EPN2: variants seen among roughly 807,000 people sequenced by gnomAD.
EPN2 encodes the protein epsin 2.
In EPN2, 34 loss-of-function variants were observed where a neutral mutation model predicts 61.7. The observed-to-expected ratio is 0.55, with a 90% CI of 0.42 to 0.73. The LOEUF (loss-of-function observed/expected upper bound fraction) is 0.73, where lower values mean the gene tolerates loss of function less well. Ranked by LOEUF, EPN2 falls within the 30% of genes least tolerant of loss-of-function variation. EPN2 has a pLI of 0.00. For missense variants in EPN2, 714 were observed against 839.2 expected (o/e 0.85, Z 1.84); for synonymous variants, 349 against 353.6 (o/e 0.99, Z 0.15).
chr17:19,316,793 T>C (rs1906405728), intron 7 of EPN2, among the ~76,000 whole-genome samples: 1 of 152,214 alleles, frequency 6.6e-6, no homozygotes, highest in Admixed American at 6.5e-5. Context: ...AGGGGTGTTT[T>C]TGCAGTTCTG....
At chr17:19,333,102 G>A (rs937241434) in intron 10 of EPN2, among the ~76,000 whole-genome samples, 4 of 152,172 alleles carry the variant, frequency 2.6e-5, no homozygotes, top group Non-Finnish European at 4.4e-5. Context: ...TGGTTCCCTG[G>A]GTGGAACTAG....
intron 1 of EPN2, among the ~76,000 whole-genome samples, chr17:19,266,719 A>G (rs1315198873): frequency 6.6e-6 from 1 of 151,668 alleles, no homozygotes; most frequent in Admixed American, 6.6e-5. Context: ...CATTATGAAT[A>G]TGAATATATG....
intron 4 of EPN2, chr17:19,296,542 A>G (rs941121837): frequency 6.6e-6 from 1 of 152,196 alleles, no homozygotes; most frequent in African/African-American, 2.4e-5. Context: ...AAAGAAGAAA[A>G]AAATCCTTCA....
intron 7 of EPN2, among the ~76,000 whole-genome samples, chr17:19,320,343 G>A (rs1028947472): frequency 1.3e-4 from 20 of 152,306 alleles, no homozygotes; most frequent in African/African-American, 4.8e-4. Flanking sequence ...CTGACCAAAT[G>A]TTGCTTGGAT....
intron 4 of EPN2, among the ~76,000 whole-genome samples, chr17:19,298,940 G>GC: frequency 6.6e-6 from 1 of 152,132 alleles, no homozygotes; most frequent in South Asian, 2.1e-4. Flanking sequence ...CAGAAAGCTT[G>GC]TTTTTTTCTT....
intron 1 of EPN2, among the ~76,000 whole-genome samples, chr17:19,246,401 A>G (rs1291272289): frequency 6.6e-6 from 1 of 152,180 alleles, no homozygotes; most frequent in Admixed American, 6.5e-5. Context: ...GTCCTTCCCC[A>G]GTAGGCAATT....
At chr17:19,305,125 T>TG (rs753516658) in intron 4 of EPN2, among the ~76,000 whole-genome samples, 2,419 of 142,590 alleles carry the variant, frequency 0.017, 27 homozygotes, top group Non-Finnish European at 0.018. Flanking sequence ...TGGTTTTTTT[T>TG]TTTTTTTTTT....
At chr17:19,314,732 TC>T (rs1906306446) in intron 7 of EPN2, among the ~76,000 whole-genome samples, 1 of 152,236 alleles carries the variant, frequency 6.6e-6, no homozygotes, top group African/African-American at 2.4e-5. Context: ...GAAGGCCAGT[TC>T]CAGGGCTGCT....
intron 7 of EPN2, among the ~76,000 whole-genome samples, chr17:19,322,127 G>A (rs565227882): frequency 6.6e-6 from 1 of 152,316 alleles, no homozygotes; most frequent in South Asian, 2.1e-4. Flanking sequence ...ACTGGAAGAC[G>A]AGGAGTGAAG....
chr17:19,322,350 T>C (rs1218051806), intron 7 of EPN2, among the ~76,000 whole-genome samples: 1 of 152,072 alleles, frequency 6.6e-6, no homozygotes, highest in African/African-American at 2.4e-5. Flanking sequence ...CGGGGCAAGC[T>C]TGGGAAGGAG....
At chr17:19,308,599 A>G (rs1263827985) in intron 4 of EPN2, 3 of 985,232 alleles carry the variant, frequency 3.0e-6, no homozygotes, top group Non-Finnish European at 3.6e-6. Context: ...AGCTCTGACT[A>G]CAAAAGAGGA....
intron 4 of EPN2, among the ~76,000 whole-genome samples, chr17:19,296,048 C>A (rs1241978044): frequency 3.3e-5 from 5 of 152,146 alleles, no homozygotes; most frequent in African/African-American, 1.2e-4. Context: ...AAGCTTAGTC[C>A]AGCTTAGTCC....
At chr17:19,313,529 C>T (rs1240386902) in intron 7 of EPN2, 11 of 408,458 alleles carry the variant, frequency 2.7e-5, no homozygotes. Flanking sequence ...CTCAACCTCC[C>T]ATTTGCATCA....
rs139070076 is a variant in EPN2 at position 19,331,488 on chromosome 17, G to T, written c.1412-365G>T. On this transcript the variant is annotated intron_variant, in intron 9 of 10. Coordinates refer to ENST00000314728, the MANE Select transcript of EPN2 (RefSeq NM_014964.5). Reference sequence around the variant, plus strand: ...TACTATCAAGAAGTTCATGTTTATTGTGGAAAATTTAGTAAATGGAAAATG... The same window carrying T: ...TACTATCAAGAAGTTCATGTTTATTTTGGAAAATTTAGTAAATGGAAAATG... Among the ~76,000 whole-genome samples, 325 of 150,500 alleles carry T rather than the reference G, an allele frequency of 2.2e-3. 4 individuals carry two copies. The South Asian group carries it at 0.024, about 11-fold the overall frequency.
rs761662309 is a variant in EPN2 at position 19,295,341 on chromosome 17, TACAC to T, written c.766+9574_766+9577del. Among the ~76,000 whole-genome samples, 959 of 145,110 alleles carry T rather than the reference TACAC, an allele frequency of 6.6e-3. 13 individuals are homozygous for T. Among genetic ancestry groups the T allele is most frequent in the Admixed American group, 0.022 (320 of 14,760 alleles). ...AGTGAAACCCCATCTCTATTAAAAA[TACAC>T]ACACACACACACACACACACACGCG... On this transcript the variant is annotated intron_variant, in intron 4 of 10. Transcript: ENST00000314728.
intron 1 of EPN2, among the ~76,000 whole-genome samples, chr17:19,271,944 G>T (rs576768708): frequency 2.0e-5 from 3 of 152,208 alleles, no homozygotes; most frequent in Admixed American, 6.5e-5. Flanking sequence ...CAGGCTCCTC[G>T]CGAGATGGCG....
intron 1 of EPN2, among the ~76,000 whole-genome samples, chr17:19,249,752 C>G (rs995904235): frequency 5.9e-5 from 9 of 152,208 alleles, no homozygotes; most frequent in Non-Finnish European, 1.2e-4. Context: ...GACAAATTGC[C>G]ACAAATGCAG....
chr17:19,282,763 C>A (rs2045370459), intron 2 of EPN2, 187 bp from the exon 3 acceptor site: 1 of 182,376 alleles, frequency 5.5e-6, no homozygotes, highest in Non-Finnish European at 1.1e-5. Context: ...CTCCTAAAGG[C>A]TTAAACTTGA....
intron 1 of EPN2, among the ~76,000 whole-genome samples, chr17:19,272,155 T>G (rs185182044): frequency 6.5e-4 from 99 of 152,368 alleles, no homozygotes; most frequent in Middle Eastern, 3.4e-3. Context: ...TCCCGTTCAC[T>G]GCACCCAGTC....
Sources: allele counts gnomAD v4.1 joint callset (sites outside exome capture counted in the v4.1 genomes callset), GRCh38; gene constraint gnomAD v4.1.1; transcripts MANE v1.5; gene names NCBI Gene and HGNC (gene_info 2026-07-23, HGNC 2026-07-21).